The following CFAP299 variants were observed in gnomAD, a reference collection of about 807,000 sequenced individuals.
CFAP299 encodes the protein cilia- and flagella-associated protein 299.
A neutral mutation model predicts 27.0 loss-of-function variants in CFAP299; 21 were observed. That is an observed-to-expected ratio of 0.78 (90% confidence interval 0.55 to 1.12). The LOEUF (loss-of-function observed/expected upper bound fraction) is 1.12, where lower values mean the gene tolerates loss of function less well. Among genes scored for constraint, CFAP299 ranks in the 50% most tolerant of loss-of-function variants. The pLI, the probability that CFAP299 is intolerant of heterozygous loss-of-function variation, is 0.00. For synonymous variants in CFAP299, 104 were observed against 98.1 expected (o/e 1.06, Z -0.36); for missense variants, 310 against 276.6 (o/e 1.12, Z -0.86).
intron 3 of CFAP299, among the ~76,000 whole-genome samples, chr4:80,724,428 AATG>A (rs1335182197): frequency 2.0e-5 from 3 of 151,628 alleles, no homozygotes; most frequent in Admixed American, 1.3e-4. Flanking sequence ...TCATTTAAAA[AATG>A]ATTACTCATT....
chr4:80,717,834 A>C (rs939356913), intron 3 of CFAP299, among the ~76,000 whole-genome samples: 1 of 152,122 alleles, frequency 6.6e-6, no homozygotes, highest in Non-Finnish European at 1.5e-5. Context: ...CACTTTTATA[A>C]AATATTAAAT....
intron 3 of CFAP299, among the ~76,000 whole-genome samples, chr4:80,672,620 A>G (rs1741559878): frequency 6.6e-6 from 1 of 152,208 alleles, no homozygotes; most frequent in African/African-American, 2.4e-5. Flanking sequence ...TTCAGCTGTG[A>G]ATCCATCTGG....
chr4:80,699,322 C>T (rs1578034930), intron 3 of CFAP299, among the ~76,000 whole-genome samples: 1 of 152,200 alleles, frequency 6.6e-6, no homozygotes, highest in Admixed American at 6.5e-5. Context: ...CAACATCTCA[C>T]TGGATGCTAT....
chr4:80,748,723 G>T (rs1173564158), intron 3 of CFAP299, among the ~76,000 whole-genome samples: 1 of 152,002 alleles, frequency 6.6e-6, no homozygotes, highest in Non-Finnish European at 1.5e-5. Context: ...GTTTCTCTAA[G>T]GAGATTTCTC....
At chr4:80,834,154 A>G (rs776451881) in intron 3 of CFAP299, among the ~76,000 whole-genome samples, 1 of 152,204 alleles carries the variant, frequency 6.6e-6, no homozygotes, top group Admixed American at 6.5e-5. Context: ...GTGTATTCCC[A>G]GTTCATTCAC....
chr4:80,367,371 ATTAGAG>A (rs1723888009), intron 2 of CFAP299, among the ~76,000 whole-genome samples: 1 of 152,214 alleles, frequency 6.6e-6, no homozygotes, highest in South Asian at 2.1e-4. Context: ...TAAAGGCTCA[ATTAGAG>A]TTAATCAGGC....
chr4:80,544,960 G>A (rs1734158648), intron 2 of CFAP299, among the ~76,000 whole-genome samples: 1 of 152,040 alleles, frequency 6.6e-6, no homozygotes, highest in Non-Finnish European at 1.5e-5. Flanking sequence ...CATATGCTTG[G>A]CCATAAAGCA....
At chr4:80,775,759 T>C (rs1578112634) in intron 3 of CFAP299, among the ~76,000 whole-genome samples, 2 of 152,114 alleles carry the variant, frequency 1.3e-5, no homozygotes, top group African/African-American at 2.4e-5. Context: ...AAATAAAACA[T>C]GTTTGTCTGG....
intron 4 of CFAP299, among the ~76,000 whole-genome samples, chr4:80,907,097 T>C (rs1735222666): frequency 6.6e-6 from 1 of 152,130 alleles, no homozygotes; most frequent in Non-Finnish European, 1.5e-5. Context: ...CTAAATCATT[T>C]CCCTCAAGTT....
At chr4:80,387,466 G>A (rs779773394) in intron 2 of CFAP299, 3 of 825,724 alleles carry the variant, frequency 3.6e-6, no homozygotes, top group Non-Finnish European at 6.2e-6. Flanking sequence ...TGGGTTTCCG[G>A]CTTGCCCCTT....
chr4:80,606,828 T>A (rs201112554), intron 3 of CFAP299, among the ~76,000 whole-genome samples: 10 of 151,856 alleles, frequency 6.6e-5, no homozygotes, highest in African/African-American at 1.4e-4. Flanking sequence ...ATATGCTTTT[T>A]AAAAAAAAAT....
chr4:80,863,911 G>C (rs1005295410), intron 3 of CFAP299, among the ~76,000 whole-genome samples: 13 of 151,890 alleles, frequency 8.6e-5, no homozygotes, highest in African/African-American at 2.4e-4. Context: ...AATGTTATTA[G>C]AATGAAAAAG....
At chr4:80,730,743 G>T (rs1723473828) in intron 3 of CFAP299, among the ~76,000 whole-genome samples, 1 of 152,092 alleles carries the variant, frequency 6.6e-6, no homozygotes, top group Admixed American at 6.6e-5. Flanking sequence ...ATTTTAAACT[G>T]CTAAATTTTG....
intron 3 of CFAP299, among the ~76,000 whole-genome samples, chr4:80,780,882 G>A (rs6821485): frequency 0.067 from 10,221 of 151,768 alleles, 496 homozygotes; most frequent in Non-Finnish European, 0.1. Flanking sequence ...TTTTTTCTAA[G>A]TATTTTATGC....
chr4:80,688,123 G>A (rs775080984), intron 3 of CFAP299, among the ~76,000 whole-genome samples: 2 of 152,192 alleles, frequency 1.3e-5, no homozygotes, highest in Non-Finnish European at 2.9e-5. Context: ...AGGGGCGCCC[G>A]CCATTGCCCA....
At chr4:80,698,106 G>C (rs1030741190) in intron 3 of CFAP299, among the ~76,000 whole-genome samples, 1 of 152,168 alleles carries the variant, frequency 6.6e-6, no homozygotes, top group African/African-American at 2.4e-5. Flanking sequence ...TAACACAGAC[G>C]TCAAATTGAA....
At chr4:80,927,810 A>C (rs989562855) in intron 4 of CFAP299, among the ~76,000 whole-genome samples, 3 of 152,088 alleles carry the variant, frequency 2.0e-5, no homozygotes, top group Non-Finnish European at 2.9e-5. Flanking sequence ...TGCCTACCTG[A>C]ATAATCCAGA....
chr4:80,692,650 T>C (rs1720800281), intron 3 of CFAP299, among the ~76,000 whole-genome samples: 1 of 152,022 alleles, frequency 6.6e-6, no homozygotes, highest in South Asian at 2.1e-4. Context: ...GGACTTCATG[T>C]CTAAAACACC....
At chr4:80,506,393 G>T (rs1732039000) in intron 2 of CFAP299, among the ~76,000 whole-genome samples, 3 of 152,244 alleles carry the variant, frequency 2.0e-5, no homozygotes, top group East Asian at 3.9e-4. Context: ...AATTAGTTGA[G>T]ATAGTGCATT....
Sources: gnomAD v4.1 joint callset for allele counts (sites outside exome capture counted in the v4.1 genomes callset) on GRCh38, gnomAD v4.1.1 for gene constraint, MANE v1.5 for transcripts, NCBI Gene and HGNC (gene_info 2026-07-23, HGNC 2026-07-21) for gene names.